Variants in UBE4B observed in about 807,000 individuals in gnomAD.
UBE4B encodes the protein ubiquitin conjugation factor E4 B.
Under a neutral mutation model 148.1 loss-of-function variants are expected in UBE4B, and 27 were observed. The ratio of observed to expected loss-of-function variants is 0.18; its 90% CI spans 0.13 to 0.25. The LOEUF is 0.25. Among genes scored for constraint, UBE4B ranks in the 10% least tolerant of loss-of-function variants. UBE4B has a pLI of 1.00. For synonymous variants in UBE4B, 596 were observed against 619.3 expected (o/e 0.96, Z 0.56); for missense variants, 1,170 against 1,662.4 (o/e 0.70, Z 5.15).
intron 15 of UBE4B, 45 bp from the exon 16 acceptor site, chr1:10,134,942 AT>A: frequency 1.3e-6 from 2 of 1,573,790 alleles, no homozygotes; most frequent in East Asian, 2.3e-5. Context: ...CTCAAAAAAA[AT>A]TTTTTTTAAT....
At chr1:10,152,189 G>A (rs1455240798) in intron 21 of UBE4B, among the ~76,000 whole-genome samples, 1 of 151,356 alleles carries the variant, frequency 6.6e-6, no homozygotes, top group Non-Finnish European at 1.5e-5. Flanking sequence ...AACCCGGGAG[G>A]CAGAAGTTGC....
chr1:10,161,192 C>T lies in UBE4B; in HGVS notation c.3104C>T (p.Thr1035Met). ...ATAAACATGTTGATAAACGACACGA[C>T]GTTTTTGCTCGATGAAAGTCTGGAG... ...RYINMLINDT[T>M]FLLDESLESL... The change falls in exon 23 of 28, where the codon ACG becomes ATG. Residue 1035 changes from threonine to methionine, a missense_variant. Thr to Met is a moderately conservative substitution (Grantham distance 81). This residue lies in a region of UBE4B where 348 missense variants were observed against 627.2 expected (regional missense o/e 0.55). Transcript: ENST00000343090. This position sits in a 1 kb window ranked among gnomAD's most constrained non-coding sequence, Gnocchi z 4.1. The T allele has an allele frequency of 6.2e-7, 1 of 1,614,104 alleles. No individual in the cohort carries two copies. Among genetic ancestry groups the T allele is most frequent in the Non-Finnish European group, 8.5e-7 (1 of 1,180,002 alleles).
At chr1:10,177,258 G>C (rs546561012) in intron 25 of UBE4B, among the ~76,000 whole-genome samples, 5 of 151,250 alleles carry the variant, frequency 3.3e-5, no homozygotes, top group Middle Eastern at 3.4e-3. Flanking sequence ...AGTGGCTCAC[G>C]CCTGTAATCC....
chr1:10,050,890 T>C (rs1037326774), intron 1 of UBE4B, among the ~76,000 whole-genome samples: 1 of 152,088 alleles, frequency 6.6e-6, no homozygotes, highest in Non-Finnish European at 1.5e-5. Context: ...AGTATTGCAA[T>C]AGTTTATTTG....
At chr1:10,162,969 C>CA (rs1188002192) in intron 23 of UBE4B, among the ~76,000 whole-genome samples, 1 of 152,214 alleles carries the variant, frequency 6.6e-6, no homozygotes, top group Non-Finnish European at 1.5e-5. Context: ...TGAAAATTCT[C>CA]ACCTTTCTCC....
rs201875729 is a variant in UBE4B, at chr1:10,072,099, C to G, written c.96C>G (p.Pro32=). ...AGCCAACCACCCCACTCACCTCTCC[C>G]CAGAGGGAGAACCCTCCGGGGCCTC... is the stretch of plus-strand genomic sequence containing the variant. The part of the protein sequence containing the change: ...TSQPTTPLTS[P]QRENPPGPPI... The change falls in exon 2 of 28, where the codon CCC becomes CCG. Residue 32 remains proline, a synonymous_variant. Transcript: ENST00000343090. The G allele has an allele frequency of 3.1e-6, 5 of 1,613,434 alleles. No individual in the cohort carries two copies. Among genetic ancestry groups the G allele is most frequent in the Non-Finnish European group, 4.2e-6 (5 of 1,179,770 alleles).
chr1:10,174,765 T>G (rs1302443495), intron 25 of UBE4B, among the ~76,000 whole-genome samples: 2 of 151,242 alleles, frequency 1.3e-5, no homozygotes, highest in African/African-American at 4.9e-5. Context: ...GTGCTGATTG[T>G]TGGGTATTTT....
At chr1:10,093,175 C>T (rs1327989439) in intron 2 of UBE4B, among the ~76,000 whole-genome samples, 1 of 152,012 alleles carries the variant, frequency 6.6e-6, no homozygotes, top group Non-Finnish European at 1.5e-5. Flanking sequence ...AATTTTAAAG[C>T]CTGCTTATTT....
intron 1 of UBE4B, among the ~76,000 whole-genome samples, chr1:10,042,970 AG>A (rs1420636671): frequency 6.6e-6 from 1 of 151,884 alleles, no homozygotes; most frequent in East Asian, 1.9e-4. Context: ...CTTCTGTGCA[AG>A]GGGCACAGTG....
Position 10,179,895 on chromosome 1 carries a change from T to C in UBE4B, c.3848T>C (p.Val1283Ala), listed in dbSNP as rs768438112. The C allele has an allele frequency of 6.2e-7, 1 of 1,613,940 alleles. No homozygotes were observed. Among genetic ancestry groups the C allele is most frequent in the South Asian group, 1.1e-5 (1 of 91,086 alleles). ...QTLTESMLEP[V>A]PELKEQIQAW... The stretch of plus-strand genomic sequence containing the variant: ...AATCCTCCTTTTTTTCTTTTCTCAG[T>C]GCCAGAACTGAAAGAGCAGATTCAG... Residue 1283 changes from valine (V) to alanine (A), a missense_variant and splice_region_variant, in exon 28 of 28, where the codon GTG (valine) becomes GCG (alanine). By Grantham distance (64) the Val-to-Ala change is moderately conservative. Around this residue, in one of 6 missense-constraint regions of UBE4B, gnomAD observed 348 missense variants for 627.2 expected, o/e 0.55. Coordinates refer to ENST00000343090, the MANE Select transcript of UBE4B (RefSeq NM_001105562.3).
Position 10,179,498 on chromosome 1 carries a change from C to T in UBE4B, c.3783C>T (p.His1261=), listed in dbSNP as rs1251328463. ...TGGACCGCTCCATCATCCTGCGGCA[C>T]CTGCTCAACTCCCCCACGGACCCCT... is the stretch of plus-strand genomic sequence containing the variant. ...TIMDRSIILR[H]LLNSPTDPFN... The change falls in exon 27 of 28, where the codon CAC becomes CAT. Residue 1261 remains histidine (H), a synonymous_variant. Coordinates refer to ENST00000343090, the MANE Select transcript of UBE4B (RefSeq NM_001105562.3). 1.2e-6 allele frequency: 2 copies of T among 1,613,940 alleles called. No homozygotes were observed. Among genetic ancestry groups the T allele is most frequent in the African/African-American group, 1.3e-5 (1 of 74,900 alleles).
chr1:10,042,100 C>T (rs1392423678), intron 1 of UBE4B, among the ~76,000 whole-genome samples: 1 of 152,182 alleles, frequency 6.6e-6, no homozygotes, highest in East Asian at 1.9e-4. Flanking sequence ...AGGCCCAGCC[C>T]TCCAGTGGAC....
intron 23 of UBE4B, chr1:10,163,227 G>A (rs998750380): frequency 2.0e-4 from 30 of 151,950 alleles, no homozygotes; most frequent in African/African-American, 7.3e-4. Flanking sequence ...CACCACGCTT[G>A]GCTAATTAAA....
intron 15 of UBE4B, among the ~76,000 whole-genome samples, chr1:10,132,899 T>C (rs1395680577): frequency 2.0e-5 from 3 of 152,138 alleles, no homozygotes; most frequent in Admixed American, 6.6e-5. Context: ...ACGCAGGCTT[T>C]TGTGGCTGGA....
rs58558244 is a variant in UBE4B, at chr1:10,077,820, A to G, written c.211+5606A>G. Among the ~76,000 whole-genome samples the G allele has an allele frequency of 5.0e-3, 757 of 152,318 alleles. 20 individuals are homozygous for G. The highest frequency in any genetic ancestry group is 0.044 in the Admixed American group (666 of 15,298). On this transcript the variant is annotated intron_variant, in intron 2 of 27. Transcript: ENST00000343090. ...ATATAAAATATTTCAAATGTACATG[A>G]TAACATAACTAGTGCCTATGGAACC...
intron 2 of UBE4B, among the ~76,000 whole-genome samples, chr1:10,084,100 A>G (rs1644726484): frequency 6.6e-6 from 1 of 151,620 alleles, no homozygotes; most frequent in Non-Finnish European, 1.5e-5. Context: ...CCTGCTTCTG[A>G]CTCCAAACTG....
At chr1:10,072,349 T>TGG (rs2101832724) in intron 2 of UBE4B, 135 bp downstream of exon 2, 8 of 1,039,888 alleles carry the variant, frequency 7.7e-6, no homozygotes, top group Middle Eastern at 4.2e-4. Context: ...AGCAGTAGTT[T>TGG]AAATATCATT....
At chr1:10,148,227 A>G (rs1363688587) in intron 19 of UBE4B, among the ~76,000 whole-genome samples, 1 of 147,134 alleles carries the variant, frequency 6.8e-6, no homozygotes, top group African/African-American at 2.5e-5. Flanking sequence ...CTCCATCTCA[A>G]AAAAAAAAAA....
chr1:10,176,597 G>A (rs537540259), intron 25 of UBE4B, among the ~76,000 whole-genome samples: 7 of 151,990 alleles, frequency 4.6e-5, no homozygotes, highest in African/African-American at 7.2e-5. Context: ...TGGGAGTGAC[G>A]TGGTATTTCA....
Sources: allele counts gnomAD v4.1 joint callset (sites outside exome capture counted in the v4.1 genomes callset), GRCh38; gene constraint gnomAD v4.1.1; regional missense constraint gnomAD v4.1.1; non-coding constraint Gnocchi (gnomAD v3.1); transcripts MANE v1.5; gene names NCBI Gene and HGNC (gene_info 2026-07-23, HGNC 2026-07-21).